KCNQ5: variants seen among roughly 807,000 people sequenced by gnomAD.
The protein encoded by KCNQ5 is potassium voltage-gated channel subfamily KQT member 5.
A neutral mutation model predicts 98.2 loss-of-function variants in KCNQ5; 30 were observed. That is an observed-to-expected ratio of 0.31 (90% CI 0.23 to 0.41). KCNQ5 has a LOEUF of 0.41. Among genes scored for constraint, KCNQ5 ranks in the 10% least tolerant of loss-of-function variants. The probability of loss-of-function intolerance (pLI) is 1.00; values close to 1 mark genes in which losing one functional copy is unlikely to be tolerated. For synonymous variants in KCNQ5, 458 were observed against 449.4 expected (o/e 1.02, Z -0.24); for missense variants, 835 against 1,182.5 (o/e 0.71, Z 4.31).
chr6:72,941,484 C>T (rs1766270898), intron 1 of KCNQ5, among the ~76,000 whole-genome samples: 8 of 141,324 alleles, frequency 5.7e-5, no homozygotes, highest in African/African-American at 2.2e-4. Flanking sequence ...CCTTCCCTCC[C>T]TCCCTTCTTT....
At chr6:72,862,904 A>G (rs2150154509) in intron 1 of KCNQ5, among the ~76,000 whole-genome samples, 1 of 152,324 alleles carries the variant, frequency 6.6e-6, no homozygotes, top group Non-Finnish European at 1.5e-5. Flanking sequence ...CAGGAATTAT[A>G]GGTACAAACC....
At chr6:73,160,218 G>A (rs962087897) in intron 10 of KCNQ5, among the ~76,000 whole-genome samples, 2 of 151,724 alleles carry the variant, frequency 1.3e-5, no homozygotes, top group Non-Finnish European at 2.9e-5. Flanking sequence ...GGGTTTCACC[G>A]TGTTAGCCAG....
intron 9 of KCNQ5, among the ~76,000 whole-genome samples, chr6:73,126,150 C>T (rs896476818): frequency 6.6e-6 from 1 of 152,178 alleles, no homozygotes; most frequent in Non-Finnish European, 1.5e-5. Flanking sequence ...TTCATTGTCT[C>T]AGGAGCTTTC....
At chr6:72,832,978 G>A (rs1776349558) in intron 1 of KCNQ5, among the ~76,000 whole-genome samples, 1 of 152,132 alleles carries the variant, frequency 6.6e-6, no homozygotes, top group Non-Finnish European at 1.5e-5. Flanking sequence ...GCCATGGACA[G>A]CATTGATCTA....
At chr6:72,678,842 C>G (rs1198450251) in intron 1 of KCNQ5, among the ~76,000 whole-genome samples, 1 of 152,014 alleles carries the variant, frequency 6.6e-6, no homozygotes, top group African/African-American at 2.4e-5. Flanking sequence ...ATTCTTAATC[C>G]CGTTTTGACT....
intron 1 of KCNQ5, among the ~76,000 whole-genome samples, chr6:72,624,319 A>G (rs552556775): frequency 9.3e-4 from 141 of 152,342 alleles, no homozygotes; most frequent in African/African-American, 3.1e-3. Flanking sequence ...ATAATGCTCA[A>G]TTTGGTAGCA....
At chr6:73,007,781 C>T (rs1185127508) in intron 2 of KCNQ5, among the ~76,000 whole-genome samples, 2 of 152,112 alleles carry the variant, frequency 1.3e-5, no homozygotes, top group African/African-American at 4.8e-5. Context: ...ATCACAGAGG[C>T]GCAGACAAAA....
intron 1 of KCNQ5, among the ~76,000 whole-genome samples, chr6:72,882,336 A>G (rs2150174175): frequency 6.6e-6 from 1 of 152,328 alleles, no homozygotes; most frequent in South Asian, 2.1e-4. Context: ...TTAAAAGTAG[A>G]TGTGGGTGGT....
At chr6:72,644,928 T>C (rs1204195467) in intron 1 of KCNQ5, among the ~76,000 whole-genome samples, 1 of 152,164 alleles carries the variant, frequency 6.6e-6, no homozygotes, top group Non-Finnish European at 1.5e-5. Context: ...TTGGTCTACA[T>C]AATTTTGCAA....
intron 1 of KCNQ5, among the ~76,000 whole-genome samples, chr6:72,629,761 GT>G (rs2098919806): frequency 6.6e-6 from 1 of 152,184 alleles, no homozygotes; most frequent in Admixed American, 6.5e-5. Flanking sequence ...TCTTTAATAT[GT>G]ATGTGTTTTC....
chr6:72,855,111 C>T lies in KCNQ5; in HGVS notation c.399-148797C>T, dbSNP rs544909014. On this transcript the variant is annotated intron_variant, in intron 1 of 13. Coordinates refer to ENST00000370398, the MANE Select transcript of KCNQ5 (RefSeq NM_019842.4). ...CCCAATATAAATTATTATGTTCTCA[C>T]CAAGCCTCACCAGTATTAAACATTC... Among the ~76,000 whole-genome samples the T allele has an allele frequency of 4.6e-5, 7 of 152,110 alleles. No homozygotes were observed. The South Asian group carries it at 1.5e-3, about 32-fold the overall frequency.
intron 1 of KCNQ5, among the ~76,000 whole-genome samples, chr6:72,712,363 T>C (rs1769414476): frequency 6.6e-6 from 1 of 152,176 alleles, no homozygotes; most frequent in African/African-American, 2.4e-5. Context: ...AAAGAGAATA[T>C]ACACTCTGAA....
intron 2 of KCNQ5, among the ~76,000 whole-genome samples, chr6:73,016,655 A>G (rs1770361698): frequency 6.6e-6 from 1 of 152,126 alleles, no homozygotes; most frequent in Non-Finnish European, 1.5e-5. Flanking sequence ...CAAGTAAAAC[A>G]CAATAGAGCC....
intron 11 of KCNQ5, among the ~76,000 whole-genome samples, chr6:73,179,679 C>T (rs1778337930): frequency 6.8e-6 from 1 of 147,702 alleles, no homozygotes; most frequent in South Asian, 2.1e-4. Flanking sequence ...CACAAGGGGG[C>T]CATTCAGCAA....
intron 1 of KCNQ5, among the ~76,000 whole-genome samples, chr6:72,830,045 C>T (rs1246223208): frequency 1.3e-5 from 2 of 152,122 alleles, no homozygotes; most frequent in African/African-American, 4.8e-5. Context: ...AGGACCTCTT[C>T]AAGGAGAACT....
intron 5 of KCNQ5, among the ~76,000 whole-genome samples, chr6:73,091,110 G>A (rs1223708798): frequency 6.6e-6 from 1 of 152,128 alleles, no homozygotes; most frequent in Non-Finnish European, 1.5e-5. Context: ...AAGAAAATGT[G>A]GCACATATAC....
At chr6:72,770,596 T>A (rs1165627180) in intron 1 of KCNQ5, among the ~76,000 whole-genome samples, 1 of 152,142 alleles carries the variant, frequency 6.6e-6, no homozygotes, top group Admixed American at 6.6e-5. Flanking sequence ...AAATCAATAA[T>A]TATTTCGAGA....
At chr6:73,036,371 G>A (rs1396977243) in intron 2 of KCNQ5, among the ~76,000 whole-genome samples, 2 of 124,796 alleles carry the variant, frequency 1.6e-5, no homozygotes, top group African/African-American at 3.0e-5. Flanking sequence ...GGGCAACAGC[G>A]CGAGACTCTG....
rs1007587005 is a variant in KCNQ5 at position 73,192,639 on chromosome 6, A to T, written c.1784A>T (p.Glu595Val). Residue 595 changes from glutamate to valine, a missense_variant, in exon 13 of 14, where the codon GAG becomes GTG. By Grantham distance (121) the Glu-to-Val change is moderately radical. Coordinates refer to ENST00000370398, the MANE Select transcript of KCNQ5 (RefSeq NM_019842.4). The part of the protein sequence containing the change: ...KSREKITAEH[E>V]TTDDLSMLGR... ...CGAGAGAAAATAACAGCAGAACATG[A>T]GACCACAGACGATCTCAGTATGCTC... 5.6e-6 allele frequency: 9 copies of T among 1,612,836 alleles called. No homozygotes were observed. The highest frequency in any genetic ancestry group is 7.6e-6 in the Non-Finnish European group (9 of 1,179,376).
Sources: gnomAD v4.1 joint callset for allele counts (sites outside exome capture counted in the v4.1 genomes callset) on GRCh38, gnomAD v4.1.1 for gene constraint, MANE v1.5 for transcripts, NCBI Gene and HGNC (gene_info 2026-07-23, HGNC 2026-07-21) for gene names.